DOCK1: variants seen among roughly 807,000 people sequenced by gnomAD.
The protein encoded by DOCK1 is dedicator of cytokinesis protein 1.
A neutral mutation model predicts 262.7 loss-of-function variants in DOCK1; 138 were observed. That is an observed-to-expected ratio of 0.53 (90% CI 0.46 to 0.61). The LOEUF (loss-of-function observed/expected upper bound fraction) is 0.61. Ranked by LOEUF, DOCK1 falls within the 20% of genes least tolerant of loss-of-function variation. The pLI, the probability that DOCK1 is intolerant of heterozygous loss-of-function variation, is 0.00. For missense variants in DOCK1, 1,908 were observed against 2,370.7 expected, an observed-to-expected ratio of 0.80 and a Z score of 4.05; for synonymous variants, 866 against 867.4, an observed-to-expected ratio of 1.00 and a Z score of 0.03.
intron 33 of DOCK1, among the ~76,000 whole-genome samples, chr10:127,364,429 C>T (rs570035815): frequency 6.6e-6 from 1 of 152,272 alleles, no homozygotes; most frequent in Non-Finnish European, 1.5e-5. Flanking sequence ...TGCAGTGACG[C>T]GATCTCAGCT....
In DOCK1 at chr10:126,977,945, T is replaced by A; in HGVS notation, c.131-3T>A. Reference sequence around the variant, plus strand: ...TAACTGTTTCAACTTTGTGTTTGTTTAGGGTGGTACCGAGGTTACACGTTA... The same window carrying A: ...TAACTGTTTCAACTTTGTGTTTGTTAAGGGTGGTACCGAGGTTACACGTTA... On this transcript the variant is annotated splice_region_variant and splice_polypyrimidine_tract_variant and intron_variant, in intron 2 of 51. Coordinates refer to ENST00000623213, the MANE Select transcript of DOCK1 (RefSeq NM_001290223.2). The A allele has an allele frequency of 6.2e-7, 1 of 1,613,988 alleles. No individual in the cohort carries two copies. The highest frequency in any genetic ancestry group is 1.1e-5 in the South Asian group (1 of 91,068).
At chr10:127,388,888 G>A (rs1219200308) in intron 38 of DOCK1, among the ~76,000 whole-genome samples, 1 of 135,530 alleles carries the variant, frequency 7.4e-6, no homozygotes, top group Non-Finnish European at 1.6e-5. Flanking sequence ...ACAATCAAGG[G>A]CACCATCCAA....
chr10:127,137,786 A>AAACTCCAGTGGGTTCT, intron 27 of DOCK1: 1 of 1,522,546 alleles, frequency 6.6e-7, no homozygotes, highest in Non-Finnish European at 8.9e-7. Context: ...GTATTGACTT[A>AAACTCCAGTGGGTTCT]AACTCCAGTG....
At chr10:127,253,494 C>T (rs776403741) in intron 28 of DOCK1, among the ~76,000 whole-genome samples, 56 of 152,248 alleles carry the variant, frequency 3.7e-4, no homozygotes, top group Admixed American at 1.1e-3. Flanking sequence ...GCTTATCTGA[C>T]CTTACTCAGA....
chr10:127,129,482 CAT>C (rs2050173496), intron 27 of DOCK1, among the ~76,000 whole-genome samples: 1 of 152,150 alleles, frequency 6.6e-6, no homozygotes, highest in South Asian at 2.1e-4. Context: ...GATAATTATT[CAT>C]AGTCTTGAAA....
intron 1 of DOCK1, among the ~76,000 whole-genome samples, chr10:126,929,713 C>T (rs1459661282): frequency 6.6e-6 from 1 of 151,970 alleles, no homozygotes; most frequent in African/African-American, 2.4e-5. Context: ...ATGGAGGGAC[C>T]ATTGCGGGGA....
chr10:127,065,211 A>G (rs533882118), intron 23 of DOCK1, among the ~76,000 whole-genome samples: 8 of 152,090 alleles, frequency 5.3e-5, no homozygotes, highest in East Asian at 1.9e-4. Context: ...GGGTTTCACC[A>G]TGTTAGCCAG....
intron 14 of DOCK1, 135 bp from the exon 15 acceptor site, chr10:127,024,550 G>A (rs1179427492): frequency 5.8e-6 from 4 of 689,548 alleles, no homozygotes; most frequent in East Asian, 5.7e-5. Flanking sequence ...TCCCTTGCTG[G>A]GAACGTGTTC....
intron 21 of DOCK1, among the ~76,000 whole-genome samples, 167 bp downstream of exon 21, chr10:127,043,331 A>C (rs1433931529): frequency 6.6e-6 from 1 of 152,156 alleles, no homozygotes; most frequent in Admixed American, 6.5e-5. Flanking sequence ...ATACCTAAAA[A>C]CCTTGTTGAA....
rs1409582799 is a variant in DOCK1, at chr10:127,362,058, TCCAAGGTCAA to T, written c.3284-4_3289del. The T allele has an allele frequency of 6.3e-7, 1 of 1,599,310 alleles. No individual in the cohort carries two copies. The highest frequency in any genetic ancestry group is 1.8e-5 in the Admixed American group (1 of 56,100). On this transcript the variant is annotated splice_acceptor_variant and splice_polypyrimidine_tract_variant and coding_sequence_variant and intron_variant, in exon 33 of 52. Coordinates refer to ENST00000623213, the MANE Select transcript of DOCK1 (RefSeq NM_001290223.2). LOFTEE classifies it high-confidence loss of function. ...ATTTCTGAATATTGTACCTCTTTTTTCCAAGGTCAACACAAGATAAAGTTCATTCCAGAAA... is the reference window on the plus strand; with the variant it reads ...ATTTCTGAATATTGTACCTCTTTTTTCACAAGATAAAGTTCATTCCAGAAA...
At chr10:127,275,689 A>G (rs1443678234) in intron 29 of DOCK1, among the ~76,000 whole-genome samples, 1 of 152,136 alleles carries the variant, frequency 6.6e-6, no homozygotes, top group Non-Finnish European at 1.5e-5. Context: ...TGGCCTGGAG[A>G]GGAGCAAGGT....
intron 27 of DOCK1, among the ~76,000 whole-genome samples, chr10:127,182,818 G>A (rs943439229): frequency 1.7e-4 from 26 of 152,002 alleles, no homozygotes; most frequent in Admixed American, 6.5e-5. Flanking sequence ...TGAGACAGGA[G>A]GGCTGTGCTT....
At chr10:127,151,143 T>C (rs1353516445) in intron 27 of DOCK1, among the ~76,000 whole-genome samples, 2 of 152,198 alleles carry the variant, frequency 1.3e-5, no homozygotes, top group Non-Finnish European at 1.5e-5. Flanking sequence ...TCCAACATAA[T>C]AACCACCTTA....
chr10:127,067,352 A>C (rs2045938531), intron 23 of DOCK1, among the ~76,000 whole-genome samples: 1 of 152,194 alleles, frequency 6.6e-6, no homozygotes, highest in Non-Finnish European at 1.5e-5. Flanking sequence ...ACCTTCCCTT[A>C]GGATGACCCT....
At chr10:127,048,433 A>AT (rs1259893201) in intron 21 of DOCK1, among the ~76,000 whole-genome samples, 1 of 151,728 alleles carries the variant, frequency 6.6e-6, no homozygotes, top group African/African-American at 2.4e-5. Flanking sequence ...GTCAGACATG[A>AT]TTTTTGAACA....
intron 1 of DOCK1, among the ~76,000 whole-genome samples, chr10:126,921,617 T>C (rs1382887438): frequency 6.6e-6 from 1 of 151,600 alleles, no homozygotes; most frequent in Non-Finnish European, 1.5e-5. Context: ...TATAAAGGAA[T>C]ACTTGAGGAC....
intron 18 of DOCK1, 54 bp from the exon 19 acceptor site, chr10:127,037,659 AACAGAG>A: frequency 7.0e-7 from 1 of 1,432,340 alleles, no homozygotes; most frequent in Non-Finnish European, 9.5e-7. Context: ...ATGCATGATT[AACAGAG>A]ACAGAACAGA....
chr10:126,974,169 TTGAG>T (rs951120974), intron 2 of DOCK1, among the ~76,000 whole-genome samples: 16 of 152,234 alleles, frequency 1.1e-4, no homozygotes, highest in African/African-American at 2.9e-4. Context: ...CCAGTGTTGA[TTGAG>T]TGACTCTTGT....
At chr10:127,442,404 C>T (rs1244350279) in intron 49 of DOCK1, among the ~76,000 whole-genome samples, 2 of 152,170 alleles carry the variant, frequency 1.3e-5, no homozygotes, top group African/African-American at 4.8e-5. Context: ...TGGGGGAGAA[C>T]GTTGACCCCT....
Sources: allele counts gnomAD v4.1 joint callset (sites outside exome capture counted in the v4.1 genomes callset), GRCh38; gene constraint gnomAD v4.1.1; transcripts MANE v1.5; gene names NCBI Gene and HGNC (gene_info 2026-07-23, HGNC 2026-07-21).